The following EYS variants were observed in gnomAD, a reference collection of about 807,000 sequenced individuals.
EYS encodes EGF-like photoreceptor maintenance factor, also known as protein eyes shut homolog.
A neutral mutation model predicts 282.1 loss-of-function variants in EYS; 250 were observed. The observed-to-expected ratio is 0.89, with a 90% CI of 0.80 to 0.98. The LOEUF is 0.98. Ranked by LOEUF, EYS falls within the 50% of genes least tolerant of loss-of-function variation. The probability of loss-of-function intolerance (pLI) is 0.00; values close to 1 mark genes in which losing one functional copy is unlikely to be tolerated. For synonymous variants in EYS, 1,355 were observed against 1,282.9 expected (o/e 1.06, Z -1.20); for missense variants, 4,016 against 3,709.0 (o/e 1.08, Z -2.15).
chr6:65,271,352 C>T (rs1767899259), intron 12 of EYS, among the ~76,000 whole-genome samples: 1 of 151,122 alleles, frequency 6.6e-6, no homozygotes, highest in Non-Finnish European at 1.5e-5. Context: ...GATGTCTCAG[C>T]TCACACAGTA....
intron 15 of EYS, among the ~76,000 whole-genome samples, chr6:64,920,535 A>G (rs1434106675): frequency 6.6e-6 from 1 of 152,110 alleles, no homozygotes; most frequent in Non-Finnish European, 1.5e-5. Context: ...TAGCAAGTCC[A>G]AGTAAGTCTG....
chr6:64,908,436 C>T (rs188897944), intron 16 of EYS, among the ~76,000 whole-genome samples: 5 of 152,160 alleles, frequency 3.3e-5, no homozygotes, highest in Admixed American at 2.0e-4. Flanking sequence ...TGCCTTGCCT[C>T]GTCACATGGG....
At chr6:64,498,408 G>T (rs746554371) in intron 26 of EYS, among the ~76,000 whole-genome samples, 1 of 151,716 alleles carries the variant, frequency 6.6e-6, no homozygotes, top group South Asian at 2.1e-4. Context: ...CCAAATAGTC[G>T]GTTTAGTATA....
At chr6:64,837,683 G>GTA (rs1765429120) in intron 19 of EYS, among the ~76,000 whole-genome samples, 1 of 66,262 alleles carries the variant, frequency 1.5e-5, no homozygotes, top group Non-Finnish European at 3.6e-5. Flanking sequence ...TATATATATA[G>GTA]GATATATATA....
At chr6:64,139,449 A>G (rs977479262) in intron 31 of EYS, among the ~76,000 whole-genome samples, 3 of 152,168 alleles carry the variant, frequency 2.0e-5, no homozygotes, top group Admixed American at 6.6e-5. Context: ...ATCAGTTATA[A>G]TTAAAAATAT....
intron 24 of EYS, among the ~76,000 whole-genome samples, chr6:64,613,508 T>A (rs186309665): frequency 2.8e-4 from 42 of 152,262 alleles, no homozygotes; most frequent in African/African-American, 9.4e-4. Flanking sequence ...CTTAGATTTT[T>A]AAGAAAATTG....
intron 41 of EYS, among the ~76,000 whole-genome samples, chr6:63,735,445 G>A (rs1037196320): frequency 2.0e-5 from 3 of 150,476 alleles, no homozygotes; most frequent in Non-Finnish European, 4.4e-5. Context: ...CATCTTTTTC[G>A]TTCTCTCATT....
intron 26 of EYS, among the ~76,000 whole-genome samples, chr6:64,568,335 GA>G (rs1765622505): frequency 6.6e-6 from 1 of 152,114 alleles, no homozygotes; most frequent in African/African-American, 2.4e-5. Flanking sequence ...AGATGAACAT[GA>G]AAAAGAGACC....
chr6:64,023,845 G>A (rs1226916793), intron 33 of EYS, among the ~76,000 whole-genome samples: 2 of 152,216 alleles, frequency 1.3e-5, no homozygotes, highest in Non-Finnish European at 1.5e-5. Flanking sequence ...CCAGGTGGGC[G>A]TGGGCTCAGT....
chr6:65,697,719 G>A, intron 1 of EYS, among the ~76,000 whole-genome samples: 1 of 152,066 alleles, frequency 6.6e-6, no homozygotes, highest in East Asian at 1.9e-4. Flanking sequence ...GGCTTGTGAA[G>A]TTTTAAAATT....
chr6:65,697,208 T>C (rs1582615059), intron 1 of EYS, among the ~76,000 whole-genome samples: 1 of 152,080 alleles, frequency 6.6e-6, no homozygotes, highest in Non-Finnish European at 1.5e-5. Flanking sequence ...ATGATATAGA[T>C]TAAAAAGTCA....
At chr6:64,148,397 T>A (rs772952705) in intron 31 of EYS, among the ~76,000 whole-genome samples, 1 of 152,154 alleles carries the variant, frequency 6.6e-6, no homozygotes, top group Non-Finnish European at 1.5e-5. Flanking sequence ...TGCTAGCTCT[T>A]TTTCTTATGT....
intron 13 of EYS, among the ~76,000 whole-genome samples, chr6:65,001,043 G>A (rs984471346): frequency 8.5e-5 from 13 of 152,316 alleles, no homozygotes; most frequent in Admixed American, 8.5e-4. Context: ...GCCAGGGCGA[G>A]TGCTTTGGGC....
chr6:64,026,808 A>T (rs368645369), intron 33 of EYS, among the ~76,000 whole-genome samples: 9 of 152,170 alleles, frequency 5.9e-5, no homozygotes, highest in Non-Finnish European at 1.3e-4. Context: ...GCTATCGGTT[A>T]TGTCCCCTTC....
intron 12 of EYS, among the ~76,000 whole-genome samples, chr6:65,183,051 A>T (rs2150234755): frequency 6.6e-6 from 1 of 152,058 alleles, no homozygotes; most frequent in Non-Finnish European, 1.5e-5. Flanking sequence ...GTGGCCTTGA[A>T]AACTGCTGGG....
intron 31 of EYS, among the ~76,000 whole-genome samples, chr6:64,206,849 G>A (rs560716015): frequency 6.6e-6 from 1 of 152,230 alleles, no homozygotes; most frequent in South Asian, 2.1e-4. Context: ...AAGTTCAGGG[G>A]TATATGTATA....
In EYS at chr6:64,439,179, C is replaced by A; in HGVS notation, c.5818G>T (p.Glu1940Ter). The change falls in exon 27 of 43, where the codon GAA (glutamate) becomes TAA (stop). Residue 1940 changes from glutamate to a stop codon, truncating the protein, a stop_gained. Coordinates refer to ENST00000503581, the MANE Select transcript of EYS (RefSeq NM_001142800.2). LOFTEE classifies it high-confidence loss of function. ...VDGFFIQLFIENGTLKYHFYC... is the reference protein window; with the variant it reads ...VDGFFIQLFI Reference sequence around the variant, plus strand: ...TAACTTACCTTTAAAGTACCATTTTCAATAAACAATTGAATAAAAAATCCA... The same window carrying A: ...TAACTTACCTTTAAAGTACCATTTTAAATAAACAATTGAATAAAAAATCCA... The A allele has an allele frequency of 6.8e-7, 1 of 1,463,504 alleles. No homozygotes were observed. 90.7% of individuals were successfully genotyped at this position (1,463,504 alleles called of 1,614,324 possible).
In EYS at chr6:65,109,278, G is replaced by A. The variant is rs547718430; in HGVS notation, c.2024-51551C>T. 5.9e-5 allele frequency among the ~76,000 whole-genome samples: 9 copies of A among 151,886 alleles called. No individual in the cohort carries two copies. The East Asian group carries it at 9.7e-4, about 16-fold the overall frequency. ...CCTTTCTCTTGAACCTATGCTATGT[G>A]TTCTTGGATTTTTGCATGTTAGTAA... On this transcript the variant is annotated intron_variant, in intron 12 of 42. Transcript: ENST00000503581.
intron 33 of EYS, among the ~76,000 whole-genome samples, chr6:64,054,270 G>A (rs1479608734): frequency 1.3e-5 from 2 of 152,094 alleles, no homozygotes; most frequent in South Asian, 2.1e-4. Flanking sequence ...TATGAGTTGG[G>A]ACCAGTCTAG....
Sources: allele counts gnomAD v4.1 joint callset (sites outside exome capture counted in the v4.1 genomes callset), GRCh38; gene constraint gnomAD v4.1.1; transcripts MANE v1.5; gene names NCBI Gene and HGNC (gene_info 2026-07-23, HGNC 2026-07-21).